The following HCRTR2 variants were observed in gnomAD, a reference collection of about 807,000 sequenced individuals.
The protein encoded by HCRTR2 is orexin receptor type 2.
Under a neutral mutation model 49.0 loss-of-function variants are expected in HCRTR2, and 22 were observed. That is an observed-to-expected ratio of 0.45 (90% CI 0.32 to 0.64). HCRTR2 has a LOEUF of 0.64. HCRTR2 is among the 30% of genes least tolerant of loss of function. The probability of loss-of-function intolerance (pLI) is 0.04; values close to 1 mark genes in which losing one functional copy is unlikely to be tolerated. For missense variants in HCRTR2, 491 were observed against 559.4 expected (o/e 0.88, Z 1.23); for synonymous variants, 236 against 205.3 (o/e 1.15, Z -1.28).
chr6:55,214,676 C>A, intron 1 of HCRTR2, among the ~76,000 whole-genome samples: 1 of 151,466 alleles, frequency 6.6e-6, no homozygotes, highest in Non-Finnish European at 1.5e-5. Context: ...AGAAAAATTT[C>A]AAAATAGCAA....
chr6:55,203,132 A>T (rs1399441827), intron 1 of HCRTR2, among the ~76,000 whole-genome samples: 1 of 152,218 alleles, frequency 6.6e-6, no homozygotes, highest in Admixed American at 6.5e-5. Flanking sequence ...CTCTATACAG[A>T]GAAAAACTGT....
chr6:55,200,774 A>G (rs1366573191), intron 1 of HCRTR2, among the ~76,000 whole-genome samples: 2 of 152,174 alleles, frequency 1.3e-5, no homozygotes, highest in Non-Finnish European at 2.9e-5. Flanking sequence ...ATATTATTGT[A>G]TATTCTCTAA....
chr6:55,179,257 A>T (rs1338115141), intron 1 of HCRTR2, among the ~76,000 whole-genome samples: 1 of 152,142 alleles, frequency 6.6e-6, no homozygotes, highest in Admixed American at 6.5e-5. Flanking sequence ...GGAAGCAAAA[A>T]GGGGTTATTT....
In HCRTR2 at chr6:55,255,252, T is replaced by C. The variant is rs1562023699; in HGVS notation, c.519T>C (p.Ile173=). 1 of 1,614,026 alleles carries C rather than the reference T, an allele frequency of 6.2e-7. No individual in the cohort carries two copies. Among genetic ancestry groups the C allele is most frequent in the Non-Finnish European group, 8.5e-7 (1 of 1,179,972 alleles). ...KSTAKRARNS[I]VIIWIVSCII... ...CAGCAAAGCGGGCCCGTAACAGCAT[T>C]GTCATCATCTGGATTGTCTCCTGCA... The change falls in exon 3 of 7, where the codon ATT becomes ATC. Residue 173 remains isoleucine (I), a synonymous_variant. Coordinates refer to ENST00000370862, the MANE Select transcript of HCRTR2 (RefSeq NM_001384272.1).
At chr6:55,194,151 G>C (rs1437586247) in intron 1 of HCRTR2, among the ~76,000 whole-genome samples, 7 of 152,146 alleles carry the variant, frequency 4.6e-5, no homozygotes, top group Admixed American at 6.5e-5. Context: ...TTAGGAATGA[G>C]AAGTAGAATC....
At chr6:55,237,917 T>C (rs2127303513) in intron 1 of HCRTR2, among the ~76,000 whole-genome samples, 1 of 152,354 alleles carries the variant, frequency 6.6e-6, no homozygotes, top group Middle Eastern at 3.4e-3. Flanking sequence ...TTTCTGGAGA[T>C]GATTTAGGTT....
chr6:55,258,449 A>G (rs988100398), intron 3 of HCRTR2, among the ~76,000 whole-genome samples: 3 of 152,144 alleles, frequency 2.0e-5, no homozygotes, highest in African/African-American at 7.2e-5. Context: ...ACTCTGTCTA[A>G]CTAAAAAATT....
chr6:55,158,155 G>A (rs1203913112), intron 1 of HCRTR2, among the ~76,000 whole-genome samples: 2 of 152,132 alleles, frequency 1.3e-5, no homozygotes, highest in Admixed American at 6.5e-5. Flanking sequence ...GCCCACAGAG[G>A]GTGAGCCAAA....
chr6:55,244,927 C>T lies in HCRTR2; in HGVS notation c.224-3712C>T, dbSNP rs189097680. On this transcript the variant is annotated intron_variant, in intron 1 of 6. Coordinates refer to ENST00000370862, the MANE Select transcript of HCRTR2 (RefSeq NM_001384272.1). ...CATTTATTGAGTAAGGCGTCCTTCC[C>T]CAGTGTCTCTTTTTGTTGAGTTTGT... Among the ~76,000 whole-genome samples, 34 of 152,070 alleles carry T rather than the reference C, an allele frequency of 2.2e-4. No homozygotes were observed. The East Asian group carries it at 6.0e-3, about 27-fold the overall frequency.
At chr6:55,162,397 A>G (rs959150543) in intron 1 of HCRTR2, among the ~76,000 whole-genome samples, 1 of 152,200 alleles carries the variant, frequency 6.6e-6, no homozygotes, top group Non-Finnish European at 1.5e-5. Flanking sequence ...AATGGGCAAA[A>G]GCTGGAAGCA....
chr6:55,195,916 G>A (rs148661525), intron 1 of HCRTR2, among the ~76,000 whole-genome samples: 2,065 of 152,218 alleles, frequency 0.014, 56 homozygotes, highest in African/African-American at 0.046. Flanking sequence ...TGCTTGCAGT[G>A]AGCTGTGATT....
At chr6:55,238,065 A>G (rs1766247622) in intron 1 of HCRTR2, among the ~76,000 whole-genome samples, 1 of 152,186 alleles carries the variant, frequency 6.6e-6, no homozygotes, top group Non-Finnish European at 1.5e-5. Context: ...CCATAAATCT[A>G]AATGCCAACT....
intron 1 of HCRTR2, among the ~76,000 whole-genome samples, chr6:55,193,100 C>A (rs901796336): frequency 4.6e-5 from 7 of 152,142 alleles, no homozygotes; most frequent in Non-Finnish European, 2.9e-5. Context: ...CATGTGTTCA[C>A]TCATTCATTC....
chr6:55,154,938 A>G (rs1388416895), intron 1 of HCRTR2, among the ~76,000 whole-genome samples: 1 of 151,852 alleles, frequency 6.6e-6, no homozygotes, highest in Non-Finnish European at 1.5e-5. Flanking sequence ...TAATAGCAAC[A>G]AACTATTTCA....
At chr6:55,147,361 C>T (rs796235403) in intron 1 of HCRTR2, among the ~76,000 whole-genome samples, 58 of 152,208 alleles carry the variant, frequency 3.8e-4, no homozygotes, top group African/African-American at 1.3e-3. Flanking sequence ...CTAATAAATA[C>T]AGTGGCTTAA....
chr6:55,271,170 C>G (rs889123416), intron 4 of HCRTR2, among the ~76,000 whole-genome samples: 4 of 152,062 alleles, frequency 2.6e-5, no homozygotes, highest in African/African-American at 9.7e-5. Flanking sequence ...GTAACTAAGA[C>G]GGTGTGGTAC....
chr6:55,117,190 G>A (rs1271239018), intron 1 of HCRTR2, among the ~76,000 whole-genome samples: 6 of 151,832 alleles, frequency 4.0e-5, no homozygotes, highest in South Asian at 2.1e-4. Context: ...AAATGTAAAT[G>A]TGAGCAATAC....
chr6:55,181,634 T>C (rs1313189480), intron 1 of HCRTR2, among the ~76,000 whole-genome samples: 1 of 152,156 alleles, frequency 6.6e-6, no homozygotes, highest in Non-Finnish European at 1.5e-5. Context: ...AGGTCTTTTT[T>C]AATGAAAAAA....
intron 1 of HCRTR2, among the ~76,000 whole-genome samples, chr6:55,218,107 G>A (rs1023478404): frequency 6.6e-6 from 1 of 152,142 alleles, no homozygotes; most frequent in South Asian, 2.1e-4. Flanking sequence ...TTTTATAACA[G>A]ACCCACTCTT....
Sources: allele counts gnomAD v4.1 joint callset (sites outside exome capture counted in the v4.1 genomes callset), GRCh38; gene constraint gnomAD v4.1.1; transcripts MANE v1.5; gene names NCBI Gene and HGNC (gene_info 2026-07-23, HGNC 2026-07-21).